Variants in ZNF521 observed in about 807,000 individuals in gnomAD.
The protein encoded by ZNF521 is LYST-interacting protein 3.
Under a neutral mutation model 105.5 loss-of-function variants are expected in ZNF521, and 14 were observed. That is an observed-to-expected ratio of 0.13 (90% CI 0.09 to 0.21). The LOEUF is 0.21. ZNF521 is among the 10% of genes least tolerant of loss of function. The pLI is 1.00. For missense variants in ZNF521, 1,233 were observed against 1,629.7 expected (o/e 0.76, Z 4.19); for synonymous variants, 635 against 606.0 (o/e 1.05, Z -0.70).
intron 5 of ZNF521, among the ~76,000 whole-genome samples, chr18:25,164,440 C>T (rs2035302152): frequency 6.6e-6 from 1 of 152,182 alleles, no homozygotes; most frequent in South Asian, 2.1e-4. Flanking sequence ...AAACAGCAAG[C>T]TACCATTTCA....
Position 25,227,750 on chromosome 18 carries a change from G to A in ZNF521, c.221-53C>T. ...ATCTGACATGTTGAGATTCAAGAGTGAGTTTACCGTAGCATTTCAACCAGC... is the reference window on the plus strand; with the variant it reads ...ATCTGACATGTTGAGATTCAAGAGTAAGTTTACCGTAGCATTTCAACCAGC... On this transcript the variant is annotated intron_variant, in intron 3 of 7. Transcript: ENST00000361524. The surrounding 1 kb of genome is among the most constrained non-coding windows in gnomAD (Gnocchi z 5.7). The A allele has an allele frequency of 6.7e-7, 1 of 1,492,860 alleles. No homozygotes were observed. The highest frequency in any genetic ancestry group is 1.3e-5 in the South Asian group (1 of 78,694). The allele number at this position is 1,492,860 out of a possible 1,614,324, so 92.5% of individuals were successfully genotyped here.
At chr18:25,215,586 T>C (rs181493610) in intron 4 of ZNF521, among the ~76,000 whole-genome samples, 1 of 152,330 alleles carries the variant, frequency 6.6e-6, no homozygotes, top group East Asian at 1.9e-4. Context: ...ACCAAAAGGA[T>C]AAATGTTATT....
chr18:25,345,965 C>T (rs894818971), intron 2 of ZNF521, among the ~76,000 whole-genome samples: 1 of 151,816 alleles, frequency 6.6e-6, no homozygotes, highest in African/African-American at 2.4e-5. Flanking sequence ...TTTGCCTGTA[C>T]AATCATGAAA....
intron 3 of ZNF521, among the ~76,000 whole-genome samples, chr18:25,251,995 C>T (rs753658528): frequency 6.6e-6 from 1 of 151,882 alleles, no homozygotes; most frequent in Non-Finnish European, 1.5e-5. Flanking sequence ...CTACTTGTAC[C>T]GTTTTCAAGC....
chr18:25,296,735 G>A (rs1911339311), intron 3 of ZNF521, among the ~76,000 whole-genome samples: 1 of 152,122 alleles, frequency 6.6e-6, no homozygotes, highest in Non-Finnish European at 1.5e-5. Context: ...CTGGAAAATG[G>A]TGAGCTCCAC....
At chr18:25,121,744 A>G (rs374137549) in intron 5 of ZNF521, among the ~76,000 whole-genome samples, 52 of 152,254 alleles carry the variant, frequency 3.4e-4, no homozygotes, top group Non-Finnish European at 4.9e-4. Context: ...CGGAAAAATT[A>G]GCCCTAAATT....
At chr18:25,327,617 C>G (rs1207292098) in intron 2 of ZNF521, 1 of 538,776 alleles carries the variant, frequency 1.9e-6, no homozygotes, top group Non-Finnish European at 3.6e-6. Flanking sequence ...GAAAGCCTTC[C>G]TGGTTTGCAA....
intron 2 of ZNF521, among the ~76,000 whole-genome samples, chr18:25,350,179 C>G (rs1349332505): frequency 6.6e-6 from 1 of 152,206 alleles, no homozygotes; most frequent in Non-Finnish European, 1.5e-5. Flanking sequence ...CGCAACTTCC[C>G]TCTCCAACAG....
chr18:25,067,790 C>T (rs576264746), intron 7 of ZNF521, among the ~76,000 whole-genome samples: 1 of 152,296 alleles, frequency 6.6e-6, no homozygotes, highest in South Asian at 2.1e-4. Context: ...AGATTGCCTT[C>T]ACTTTTCTAA....
chr18:25,135,694 C>T (rs1487302345), intron 5 of ZNF521, among the ~76,000 whole-genome samples: 1 of 152,058 alleles, frequency 6.6e-6, no homozygotes, highest in East Asian at 1.9e-4. Context: ...AAGGAATATA[C>T]AGTAGGGAAC....
chr18:25,344,959 T>C (rs1278108004), intron 2 of ZNF521, among the ~76,000 whole-genome samples: 1 of 152,214 alleles, frequency 6.6e-6, no homozygotes, highest in Admixed American at 6.5e-5. Context: ...AAATTCTTAA[T>C]TGATCTTAGT....
chr18:25,302,271 T>C (rs1315697637), intron 3 of ZNF521: 2 of 152,066 alleles, frequency 1.3e-5, no homozygotes, highest in African/African-American at 2.4e-5. Context: ...CTCTGAGGCA[T>C]ACGACATGCA....
chr18:25,062,749 T>TAAAAAAA lies in ZNF521; in HGVS notation c.3907-9_3907-8insTTTTTTT. On this transcript the variant is annotated splice_polypyrimidine_tract_variant and intron_variant, in intron 7 of 7. Transcript: ENST00000361524. ...TTGGGTCATTGTATGATTCTGTAAATAACAAAAAAAAAAAAAAAAAAAAAA... is the reference window on the plus strand; with the variant it reads ...TTGGGTCATTGTATGATTCTGTAAATAAAAAAAAACAAAAAAAAAAAAAAAAAAAAAA... The TAAAAAAA allele has an allele frequency of 9.8e-6, 2 of 204,564 alleles. No homozygotes were observed. The highest frequency in any genetic ancestry group is 1.5e-4 in the African/African-American group (1 of 6,648). 12.7% of individuals were successfully genotyped at this position (204,564 alleles called of 1,614,324 possible).
At chr18:25,233,717 T>A (rs1906689833) in intron 3 of ZNF521, among the ~76,000 whole-genome samples, 2 of 151,682 alleles carry the variant, frequency 1.3e-5, no homozygotes, top group African/African-American at 4.8e-5. Context: ...GAGGCTCGCT[T>A]TCCCCCAACA....
chr18:25,149,155 G>T (rs747297844), intron 5 of ZNF521, among the ~76,000 whole-genome samples: 8 of 152,178 alleles, frequency 5.3e-5, no homozygotes, highest in Non-Finnish European at 1.2e-4. Flanking sequence ...TAAGGCACAG[G>T]TCTTTGTCCA....
chr18:25,072,572 C>T (rs1179470699), intron 7 of ZNF521, among the ~76,000 whole-genome samples: 1 of 152,100 alleles, frequency 6.6e-6, no homozygotes, highest in Non-Finnish European at 1.5e-5. Context: ...CGAAAAAGAG[C>T]AAAATGGCCA....
chr18:25,066,479 G>C (rs1339751359), intron 7 of ZNF521, among the ~76,000 whole-genome samples: 2 of 152,182 alleles, frequency 1.3e-5, no homozygotes, highest in Non-Finnish European at 2.9e-5. Context: ...TTGGCTTTTA[G>C]GTGTTGGTGA....
chr18:25,087,278 G>C (rs2033644666), intron 7 of ZNF521, among the ~76,000 whole-genome samples: 1 of 152,114 alleles, frequency 6.6e-6, no homozygotes, highest in African/African-American at 2.4e-5. Flanking sequence ...GTTCCACATA[G>C]AATAAAACCT....
At position 25,089,684 on chromosome 18, in the gene ZNF521, A is replaced by G. The variant is rs2033702965; in HGVS notation, c.3791-104T>C. The G allele has an allele frequency of 7.1e-6, 6 of 849,860 alleles. No individual in the cohort carries two copies. In the South Asian group the frequency reaches 9.2e-5, roughly 13 times the overall value. The allele number at this position is 849,860 out of a possible 1,614,324, so 52.6% of individuals were successfully genotyped here. A position where few individuals can be genotyped will look rare whatever the true frequency, so the allele number is the denominator to read the frequency against. ...CAGCAGGCCGGACAGCACGCCTCCC[A>G]GGTGTGACTTACTGCCTGAGACCTG... On this transcript the variant is annotated intron_variant, in intron 6 of 7. Coordinates refer to ENST00000361524, the MANE Select transcript of ZNF521 (RefSeq NM_015461.3).
Sources: allele counts gnomAD v4.1 joint callset (sites outside exome capture counted in the v4.1 genomes callset), GRCh38; gene constraint gnomAD v4.1.1; non-coding constraint Gnocchi (gnomAD v3.1); transcripts MANE v1.5; gene names NCBI Gene and HGNC (gene_info 2026-07-23, HGNC 2026-07-21).